The following CSTPP1 variants were observed in gnomAD, a reference collection of about 807,000 sequenced individuals.
CSTPP1 encodes the protein centriolar satellite-associated tubulin polyglutamylase complex regulator 1.
At chr11:47,157,006 C>A in the CSTPP1 span, 4 of 1,613,636 alleles carry the variant, frequency 2.5e-6, no homozygotes, top group African/African-American at 4.0e-5. Context: ...CCCACACCCC[C>A]ACCCCCACGG....
At chr11:46,987,565 T>C in the CSTPP1 span, 4 of 349,766 alleles carry the variant, frequency 1.1e-5, no homozygotes, top group Non-Finnish European at 1.6e-5. Flanking sequence ...ATTAGATCTA[T>C]TTCTGTAGGT....
chr11:47,109,192 C>G, the CSTPP1 span: 2 of 152,152 alleles, frequency 1.3e-5, no homozygotes, highest in African/African-American at 4.8e-5. Flanking sequence ...CTGATGTTCC[C>G]TGAGCCTCTC....
At chr11:47,161,838 T>G in the CSTPP1 span, 1 of 1,379,028 alleles carries the variant, frequency 7.3e-7, no homozygotes, top group South Asian at 1.7e-5. Flanking sequence ...CTGCTCTCCC[T>G]GGCCCTATCA....
At chr11:47,096,638 A>G in the CSTPP1 span, among the ~76,000 whole-genome samples, 1 of 152,116 alleles carries the variant, frequency 6.6e-6, no homozygotes, top group Non-Finnish European at 1.5e-5. Context: ...TTTTATTCTA[A>G]TTGTTTTTAT....
At chr11:47,033,268 A>G in the CSTPP1 span, among the ~76,000 whole-genome samples, 2 of 152,076 alleles carry the variant, frequency 1.3e-5, no homozygotes, top group African/African-American at 2.4e-5. Flanking sequence ...ATGTTTCTAT[A>G]TGGTACCAAT....
the CSTPP1 span, among the ~76,000 whole-genome samples, chr11:47,020,812 G>A: frequency 1.3e-5 from 2 of 152,218 alleles, no homozygotes; most frequent in Non-Finnish European, 2.9e-5. Flanking sequence ...AATAGGCACA[G>A]TGTTTGGGGT....
the CSTPP1 span, among the ~76,000 whole-genome samples, chr11:47,019,241 C>T: frequency 1.3e-5 from 2 of 152,098 alleles, no homozygotes. Context: ...AACTCCTGGC[C>T]TCATGTAATC....
At chr11:47,143,482 T>C in the CSTPP1 span, among the ~76,000 whole-genome samples, 12 of 152,222 alleles carry the variant, frequency 7.9e-5, no homozygotes, top group Non-Finnish European at 1.0e-4. Context: ...CGGAGCCTGT[T>C]CAGGGGCATG....
the CSTPP1 span, among the ~76,000 whole-genome samples, chr11:47,042,243 A>AGGAT: frequency 1.3e-5 from 2 of 151,984 alleles, no homozygotes; most frequent in Non-Finnish European, 1.5e-5. Context: ...GAAGGAAGGA[A>AGGAT]GGATGGATGG....
chr11:46,998,385 C>T, the CSTPP1 span, among the ~76,000 whole-genome samples: 1 of 152,162 alleles, frequency 6.6e-6, no homozygotes, highest in African/African-American at 2.4e-5. Flanking sequence ...GTAAGATTTT[C>T]TACAGTGCTG....
At chr11:46,987,429 T>G in the CSTPP1 span, 1 of 878,968 alleles carries the variant, frequency 1.1e-6, no homozygotes. Context: ...GAATGTTTAG[T>G]TTTGGTAGGT....
the CSTPP1 span, among the ~76,000 whole-genome samples, chr11:47,087,358 G>A: frequency 2.0e-5 from 3 of 152,160 alleles, no homozygotes; most frequent in East Asian, 1.9e-4. Context: ...TGAGCCTTTT[G>A]TTCCTCATTT....
At chr11:46,948,842 G>A in the CSTPP1 span, among the ~76,000 whole-genome samples, 6 of 152,252 alleles carry the variant, frequency 3.9e-5, no homozygotes, top group South Asian at 1.0e-3. Flanking sequence ...AGTCCTTTTT[G>A]GAATGCGATG....
the CSTPP1 span, among the ~76,000 whole-genome samples, chr11:46,994,608 G>C: frequency 1.3e-5 from 2 of 152,170 alleles, no homozygotes; most frequent in Admixed American, 1.3e-4. Flanking sequence ...AACCAGTCTT[G>C]CATCCCAGGG....
chr11:47,070,353 C>T, the CSTPP1 span, among the ~76,000 whole-genome samples: 1 of 151,980 alleles, frequency 6.6e-6, no homozygotes, highest in African/African-American at 2.4e-5. Flanking sequence ...TTTTATTTTG[C>T]TTGGCATAAC....
chr11:47,028,317 G>A, the CSTPP1 span, among the ~76,000 whole-genome samples: 1 of 152,140 alleles, frequency 6.6e-6, no homozygotes, highest in Non-Finnish European at 1.5e-5. Flanking sequence ...GCATATCCGT[G>A]GGGAGAAGCT....
chr11:46,939,082 CTTTTTTTTTTT>C, the CSTPP1 span, among the ~76,000 whole-genome samples: 8 of 84,746 alleles, frequency 9.4e-5, no homozygotes, highest in South Asian at 1.3e-3. Flanking sequence ...TGGCTTACAT[CTTTTTTTTTTT>C]TTTTTTTTTT....
the CSTPP1 span, among the ~76,000 whole-genome samples, chr11:47,155,422 G>T: frequency 6.6e-6 from 1 of 152,270 alleles, no homozygotes; most frequent in African/African-American, 2.4e-5. Flanking sequence ...CTAGTGTTCA[G>T]TGGTGGTCAC....
the CSTPP1 span, among the ~76,000 whole-genome samples, chr11:47,102,333 A>G: frequency 6.6e-6 from 1 of 151,952 alleles, no homozygotes; most frequent in Non-Finnish European, 1.5e-5. Flanking sequence ...CAGAAGTGTA[A>G]TTGTGTTTGA....
Sources: allele counts gnomAD v4.1 joint callset (sites outside exome capture counted in the v4.1 genomes callset), GRCh38; gene constraint gnomAD v4.1.1; transcripts MANE v1.5; gene names NCBI Gene and HGNC (gene_info 2026-07-23, HGNC 2026-07-21).